Variants in SAXO2 observed in about 807,000 individuals in gnomAD.
SAXO2 encodes the protein family with sequence similarity 154, member B.
In SAXO2, 17 loss-of-function variants were observed where a neutral mutation model predicts 18.7. The ratio of observed to expected loss-of-function variants is 0.91; its 90% CI spans 0.62 to 1.36. SAXO2 has a LOEUF of 1.36. Ranked by LOEUF, SAXO2 falls within the 40% of genes most tolerant of loss-of-function variation. SAXO2 has a pLI of 0.00. For missense variants in SAXO2, 486 were observed against 562.6 expected (o/e 0.86, Z 1.38); for synonymous variants, 163 against 181.2 (o/e 0.90, Z 0.81).
intron 3 of SAXO2, among the ~76,000 whole-genome samples, chr15:82,276,324 TATC>T (rs1470560121): frequency 1.4e-5 from 2 of 147,568 alleles, no homozygotes; most frequent in Non-Finnish European, 3.0e-5. Context: ...ACATTACCAA[TATC>T]ATTTTTTTGC....
At chr15:82,273,236 T>C (rs2075287776) in intron 3 of SAXO2, among the ~76,000 whole-genome samples, 1 of 152,196 alleles carries the variant, frequency 6.6e-6, no homozygotes, top group South Asian at 2.1e-4. Context: ...CCTATTTTGA[T>C]TTTGATTTAT....
chr15:82,280,525 G>A (rs1288133234), intron 3 of SAXO2, among the ~76,000 whole-genome samples: 2 of 152,016 alleles, frequency 1.3e-5, no homozygotes, highest in Non-Finnish European at 2.9e-5. Flanking sequence ...AAAGCTTCAT[G>A]TGAACTGAAA....
At chr15:82,274,459 T>C (rs1002025870) in intron 3 of SAXO2, among the ~76,000 whole-genome samples, 1 of 151,962 alleles carries the variant, frequency 6.6e-6, no homozygotes, top group African/African-American at 2.4e-5. Flanking sequence ...ACTGTCCTCC[T>C]TTGGGAGGCC....
intron 1 of SAXO2, chr15:82,263,461 T>TC: frequency 1.4e-6 from 1 of 702,458 alleles, no homozygotes; most frequent in Non-Finnish European, 2.6e-6. Flanking sequence ...TACCCTGAAA[T>TC]CTAGAATCCA....
At chr15:82,264,748 TC>T in intron 1 of SAXO2, 1 of 702,098 alleles carries the variant, frequency 1.4e-6, no homozygotes, top group East Asian at 2.7e-5. Flanking sequence ...CCAGAATCAC[TC>T]GTCTCTTCCA....
intron 1 of SAXO2, 74 bp downstream of exon 1, chr15:82,263,006 C>T: frequency 1.3e-6 from 2 of 1,552,600 alleles, no homozygotes; most frequent in Non-Finnish European, 1.7e-6. Context: ...GGAGCCGGCT[C>T]CTCGGGAACC....
intron 2 of SAXO2, among the ~76,000 whole-genome samples, chr15:82,269,401 A>G (rs2075249554): frequency 6.6e-6 from 1 of 152,144 alleles, no homozygotes; most frequent in African/African-American, 2.4e-5. Context: ...TTGTAGCAGG[A>G]AGGAGCATGG....
chr15:82,264,066 TGA>T (rs1424080115), intron 1 of SAXO2, among the ~76,000 whole-genome samples: 25 of 130,192 alleles, frequency 1.9e-4, no homozygotes, highest in African/African-American at 2.5e-4. Context: ...ACATATGCAT[TGA>T]TTTTTTTTTT....
chr15:82,273,653 G>T (rs2075291100), intron 3 of SAXO2, among the ~76,000 whole-genome samples: 1 of 151,702 alleles, frequency 6.6e-6, no homozygotes, highest in Admixed American at 6.6e-5. Context: ...TAGAGTAATT[G>T]CTGATAAATA....
intron 2 of SAXO2, among the ~76,000 whole-genome samples, chr15:82,268,092 A>G (rs2075236587): frequency 6.6e-6 from 1 of 152,244 alleles, no homozygotes; most frequent in African/African-American, 2.4e-5. Context: ...ATTATGATAA[A>G]TGAGATGAAG....
At chr15:82,271,579 A>G (rs1428458201) in intron 2 of SAXO2, 24 bp from the exon 3 acceptor site, 2 of 1,554,772 alleles carry the variant, frequency 1.3e-6, no homozygotes, top group East Asian at 4.5e-5. Context: ...TTGTGAGGCT[A>G]TGTTTCAAAT....
intron 2 of SAXO2, among the ~76,000 whole-genome samples, 190 bp downstream of exon 2, chr15:82,265,938 AGT>A (rs1482473222): frequency 6.6e-6 from 1 of 152,002 alleles, no homozygotes; most frequent in Non-Finnish European, 1.5e-5. Flanking sequence ...AGGTTGACAA[AGT>A]GTGAGAAGAA....
At chr15:82,269,624 G>T (rs2075252507) in intron 2 of SAXO2, among the ~76,000 whole-genome samples, 1 of 152,118 alleles carries the variant, frequency 6.6e-6, no homozygotes, top group South Asian at 2.1e-4. Context: ...GAAAGGTAAG[G>T]AAGAGGCTAG....
chr15:82,265,880 G>T, intron 2 of SAXO2, 132 bp downstream of exon 2: 7 of 469,906 alleles, frequency 1.5e-5, no homozygotes, highest in South Asian at 9.4e-5. Context: ...CAAGAGACTA[G>T]TTAAGTCACA....
chr15:82,280,044 A>G (rs117710889), intron 3 of SAXO2, among the ~76,000 whole-genome samples: 2,782 of 152,326 alleles, frequency 0.018, 28 homozygotes, highest in Non-Finnish European at 0.026. Context: ...TTGTTTTTCC[A>G]TAAGTATCAT....
chr15:82,271,715 T>C lies in SAXO2; in HGVS notation c.346T>C (p.Ser116Pro). Residue 116 changes from serine to proline, a missense_variant, in exon 3 of 4, where the codon TCG becomes CCG. By Grantham distance (74) the Ser-to-Pro change is moderately conservative. Coordinates refer to ENST00000682753, the MANE Select transcript of SAXO2 (RefSeq NM_001348699.2). ...LGTTYKRDLN[S>P]YKVQPVAIVR... is the part of the protein sequence containing the mutation. The stretch of plus-strand genomic sequence containing the variant: ...TACTACCTACAAACGGGATTTGAAT[T>C]CGTATAAAGTGCAGCCTGTGGCAAT... 1 of 1,614,110 alleles carries C rather than the reference T, an allele frequency of 6.2e-7. No individual in the cohort carries two copies. Among genetic ancestry groups the C allele is most frequent in the Non-Finnish European group, 8.5e-7 (1 of 1,179,992 alleles).
At chr15:82,264,608 T>G (rs1180498002) in intron 1 of SAXO2, 4 of 701,854 alleles carry the variant, frequency 5.7e-6, no homozygotes, top group Non-Finnish European at 1.0e-5. Context: ...AGTATATATA[T>G]AGTTCACTTG....
chr15:82,273,613 T>C (rs1202177939), intron 3 of SAXO2, among the ~76,000 whole-genome samples: 1 of 152,118 alleles, frequency 6.6e-6, no homozygotes, highest in African/African-American at 2.4e-5. Context: ...ATGTGAATGG[T>C]GAAGAAGTAT....
chr15:82,282,688 A>T lies in SAXO2; in HGVS notation c.1003A>T (p.Asn335Tyr), dbSNP rs1416875513. The T allele has an allele frequency of 1.2e-6, 2 of 1,614,076 alleles. No homozygotes were observed. Reference protein sequence around the residue: ...PIRPVSQKRSNNFPFQGKSIM... With the variant: ...PIRPVSQKRSYNFPFQGKSIM... ...CAGGCCAGTTTCTCAAAAAAGAAGTAACAATTTTCCTTTCCAAGGAAAAAG... is the reference window on the plus strand; with the variant it reads ...CAGGCCAGTTTCTCAAAAAAGAAGTTACAATTTTCCTTTCCAAGGAAAAAG... Residue 335 changes from asparagine to tyrosine, a missense_variant, in exon 4 of 4, where the codon AAC (asparagine) becomes TAC (tyrosine). Asn to Tyr is a moderately radical substitution (Grantham distance 143). Coordinates refer to ENST00000682753, the MANE Select transcript of SAXO2 (RefSeq NM_001348699.2).
Sources: allele counts gnomAD v4.1 joint callset (sites outside exome capture counted in the v4.1 genomes callset), GRCh38; gene constraint gnomAD v4.1.1; transcripts MANE v1.5; gene names NCBI Gene and HGNC (gene_info 2026-07-23, HGNC 2026-07-21).